KCNIP1: variants seen among roughly 807,000 people sequenced by gnomAD.
KCNIP1 encodes the protein potassium voltage-gated channel interacting protein 1, also known as A-type potassium channel modulatory protein KCNIP1.
A neutral mutation model predicts 33.0 loss-of-function variants in KCNIP1; 18 were observed. The ratio of observed to expected loss-of-function variants is 0.55; its 90% CI spans 0.38 to 0.81. KCNIP1 has a LOEUF of 0.81. KCNIP1 is among the 30% of genes least tolerant of loss of function. The pLI, the probability that KCNIP1 is intolerant of heterozygous loss-of-function variation, is 0.00. For synonymous variants in KCNIP1, 93 were observed against 98.3 expected (o/e 0.95, Z 0.32); for missense variants, 238 against 271.6 (o/e 0.88, Z 0.87).
intron 1 of KCNIP1, among the ~76,000 whole-genome samples, chr5:170,645,740 A>G (rs1480800668): frequency 6.6e-6 from 1 of 152,236 alleles, no homozygotes; most frequent in Non-Finnish European, 1.5e-5. Context: ...ATACTTAACA[A>G]AAGCAAAATA....
intron 1 of KCNIP1, among the ~76,000 whole-genome samples, chr5:170,585,481 C>T (rs1014439787): frequency 3.9e-5 from 6 of 152,280 alleles, no homozygotes; most frequent in Admixed American, 3.3e-4. Flanking sequence ...CCCCACTCCT[C>T]GTGGCTCCAC....
intron 1 of KCNIP1, among the ~76,000 whole-genome samples, chr5:170,426,610 A>G (rs1466857729): frequency 3.3e-5 from 5 of 152,232 alleles, no homozygotes; most frequent in Non-Finnish European, 5.9e-5. Context: ...GGGCGCTGTG[A>G]GCATGGAGGG....
At chr5:170,720,560 G>A (rs1003642088) in intron 3 of KCNIP1, among the ~76,000 whole-genome samples, 170 bp downstream of exon 3, 2 of 152,324 alleles carry the variant, frequency 1.3e-5, no homozygotes, top group African/African-American at 2.4e-5. Context: ...AGCTTTAGCA[G>A]GAAAGAACTC....
intron 1 of KCNIP1, among the ~76,000 whole-genome samples, chr5:170,684,953 TTCC>T (rs10577422): frequency 0.17 from 25,624 of 152,038 alleles, 3,870 homozygotes; most frequent in East Asian, 0.78. Context: ...ACACTTTTAC[TTCC>T]TCCTCCTTCT....
intron 1 of KCNIP1, among the ~76,000 whole-genome samples, chr5:170,365,127 C>T (rs577166666): frequency 6.6e-6 from 1 of 152,222 alleles, no homozygotes; most frequent in Non-Finnish European, 1.5e-5. Flanking sequence ...TCCCCAGCAC[C>T]TGGTGCAGGG....
chr5:170,493,610 G>A (rs1479980328), intron 1 of KCNIP1, among the ~76,000 whole-genome samples: 1 of 152,192 alleles, frequency 6.6e-6, no homozygotes, highest in African/African-American at 2.4e-5. Context: ...GCTCACCAGG[G>A]CACCCTTATG....
chr5:170,387,496 C>T (rs1469144803), intron 1 of KCNIP1, among the ~76,000 whole-genome samples: 2 of 152,208 alleles, frequency 1.3e-5, no homozygotes, highest in Non-Finnish European at 2.9e-5. Context: ...ATCACACCTT[C>T]CCAGTGAGCT....
intron 1 of KCNIP1, among the ~76,000 whole-genome samples, chr5:170,364,610 C>T (rs565124405): frequency 2.0e-5 from 3 of 152,276 alleles, no homozygotes; most frequent in East Asian, 3.9e-4. Flanking sequence ...CCACCAAATA[C>T]CCCCAGGCTC....
chr5:170,437,648 C>T (rs1205493450), intron 1 of KCNIP1, among the ~76,000 whole-genome samples: 1 of 152,150 alleles, frequency 6.6e-6, no homozygotes, highest in Non-Finnish European at 1.5e-5. Flanking sequence ...GTGGACCGGC[C>T]GGAGCAGAAC....
At chr5:170,408,519 A>T (rs1299745232) in intron 1 of KCNIP1, among the ~76,000 whole-genome samples, 1 of 152,190 alleles carries the variant, frequency 6.6e-6, no homozygotes, top group Non-Finnish European at 1.5e-5. Flanking sequence ...GGAGGGGGAA[A>T]AACACCTCGC....
At chr5:170,385,318 T>A in intron 1 of KCNIP1, 1 of 1,614,114 alleles carries the variant, frequency 6.2e-7, no homozygotes, top group Non-Finnish European at 8.5e-7. Flanking sequence ...CAGTACCTTT[T>A]CTGGTAGAGG....
chr5:170,645,916 T>G (rs954690059), intron 1 of KCNIP1, among the ~76,000 whole-genome samples: 5 of 152,024 alleles, frequency 3.3e-5, no homozygotes, highest in Admixed American at 1.3e-4. Flanking sequence ...ATACTCTGAA[T>G]CAACTACAGA....
intron 1 of KCNIP1, among the ~76,000 whole-genome samples, chr5:170,369,495 T>C (rs1359471027): frequency 6.6e-6 from 1 of 152,266 alleles, no homozygotes; most frequent in Non-Finnish European, 1.5e-5. Context: ...CGGTTCTTTT[T>C]CTGCCACTAG....
intron 1 of KCNIP1, among the ~76,000 whole-genome samples, chr5:170,374,228 G>T (rs958305082): frequency 2.0e-5 from 3 of 152,140 alleles, no homozygotes; most frequent in African/African-American, 7.2e-5. Context: ...TATTTATATT[G>T]CATTATTTTA....
chr5:170,412,118 C>T (rs1318435452), intron 1 of KCNIP1, among the ~76,000 whole-genome samples: 1 of 152,194 alleles, frequency 6.6e-6, no homozygotes, highest in African/African-American at 2.4e-5. Context: ...AGAGATGAGG[C>T]ATAACAAACG....
At chr5:170,699,795 T>C (rs925462109) in intron 1 of KCNIP1, among the ~76,000 whole-genome samples, 15 of 151,522 alleles carry the variant, frequency 9.9e-5, no homozygotes, top group African/African-American at 3.6e-4. Context: ...TTGTAGGGAG[T>C]CTAGGGTCTC....
Position 170,722,832 on chromosome 5 carries a change from G to T in KCNIP1, c.435+12G>T. The T allele has an allele frequency of 6.4e-7, 1 of 1,566,054 alleles. No individual in the cohort carries two copies. Among genetic ancestry groups the T allele is most frequent in the South Asian group, 1.1e-5 (1 of 90,002 alleles). On this transcript the variant is annotated intron_variant, in intron 5 of 7. Coordinates refer to ENST00000328939, the MANE Select transcript of KCNIP1 (RefSeq NM_014592.4). ...ACATAAACAAAGAGGTAAGTGAGCT[G>T]GGGCCAGGGGTGTGAGAGGGCTCCA...
chr5:170,499,696 G>A (rs772017993), upstream of KCNIP1, among the ~76,000 whole-genome samples: 7 of 152,166 alleles, frequency 4.6e-5, no homozygotes, highest in Non-Finnish European at 8.8e-5. Flanking sequence ...GGAGGCAGCA[G>A]GGAGGAAGAA....
chr5:170,536,427 C>A (rs1755986941), intron 1 of KCNIP1, among the ~76,000 whole-genome samples: 1 of 152,334 alleles, frequency 6.6e-6, no homozygotes, highest in South Asian at 2.1e-4. Flanking sequence ...CCTTGTCCCA[C>A]CTTCCCCCAA....
Sources: allele counts gnomAD v4.1 joint callset (sites outside exome capture counted in the v4.1 genomes callset), GRCh38; gene constraint gnomAD v4.1.1; transcripts MANE v1.5; gene names NCBI Gene and HGNC (gene_info 2026-07-23, HGNC 2026-07-21).